The following DLGAP2 variants were observed in gnomAD, a reference collection of about 807,000 sequenced individuals.
The protein encoded by DLGAP2 is disks large-associated protein 2.
DLGAP2 carries 26 observed loss-of-function variants against 100.3 expected under a neutral mutation model. That is an observed-to-expected ratio of 0.26 (90% CI 0.19 to 0.36). The LOEUF is 0.36. DLGAP2 is among the 10% of genes least tolerant of loss of function. DLGAP2 has a pLI of 1.00. For missense variants in DLGAP2, 1,858 were observed against 1,453.2 expected (o/e 1.28, Z -4.53); for synonymous variants, 886 against 630.1 (o/e 1.41, Z -6.08).
At chr8:814,858 A>AG (rs1796434907) in intron 1 of DLGAP2, among the ~76,000 whole-genome samples, 1 of 150,960 alleles carries the variant, frequency 6.6e-6, no homozygotes, top group Non-Finnish European at 1.5e-5. Flanking sequence ...CTCAAAAAAA[A>AG]AAAAAAAAAA....
chr8:1,002,802 G>A (rs1164920954), intron 2 of DLGAP2: 3 of 152,316 alleles, frequency 2.0e-5, no homozygotes. Flanking sequence ...CCAGTGGCTG[G>A]AGTGGAGTTA....
At chr8:1,092,541 G>A (rs867660532) in intron 2 of DLGAP2, among the ~76,000 whole-genome samples, 4 of 152,238 alleles carry the variant, frequency 2.6e-5, no homozygotes. Context: ...GGCAGGAAGA[G>A]GGGGCTGTGG....
At chr8:1,685,075 C>T (rs1018800068) in intron 12 of DLGAP2, among the ~76,000 whole-genome samples, 5 of 152,076 alleles carry the variant, frequency 3.3e-5, no homozygotes, top group African/African-American at 9.7e-5. Context: ...GTCCTATTAA[C>T]ACAAGAGCCG....
intron 2 of DLGAP2, among the ~76,000 whole-genome samples, chr8:1,210,152 C>T (rs540776598): frequency 6.6e-6 from 1 of 152,192 alleles, no homozygotes; most frequent in Admixed American, 6.5e-5. Context: ...ACACGTCACC[C>T]CCCAGGTTCC....
At chr8:1,306,738 A>T (rs1438351750) in intron 3 of DLGAP2, among the ~76,000 whole-genome samples, 1 of 152,134 alleles carries the variant, frequency 6.6e-6, no homozygotes, top group African/African-American at 2.4e-5. Context: ...CCAGAAATAA[A>T]CCCTGGTGTA....
At chr8:1,216,958 T>G (rs1313589826) in intron 2 of DLGAP2, among the ~76,000 whole-genome samples, 1 of 152,164 alleles carries the variant, frequency 6.6e-6, no homozygotes, top group Non-Finnish European at 1.5e-5. Context: ...CTGCTTGGTT[T>G]TTTCTTCAAC....
In DLGAP2 at chr8:1,115,509, T is replaced by G. The variant is rs11786010; in HGVS notation, c.74-143342T>G. ...TAATAACTACTTTATAAAAATATTG[T>G]GAAGATTCTGAGTTTGTGTATGTAA... On this transcript the variant is annotated intron_variant, in intron 2 of 14. Coordinates refer to ENST00000637795, the MANE Select transcript of DLGAP2 (RefSeq NM_001346810.2). 3.9e-5 allele frequency among the ~76,000 whole-genome samples: 6 copies of G among 152,198 alleles called. No homozygotes were observed. In the South Asian group the frequency reaches 8.3e-4, roughly 21 times the overall value.
At chr8:1,350,808 A>G (rs1243742940) in intron 3 of DLGAP2, among the ~76,000 whole-genome samples, 1 of 48,150 alleles carries the variant, frequency 2.1e-5, no homozygotes, top group African/African-American at 6.7e-5. Flanking sequence ...GTGTGCGTGG[A>G]AAGGCCATGC....
chr8:1,618,577 C>T (rs1797230859), intron 6 of DLGAP2, among the ~76,000 whole-genome samples: 1 of 152,166 alleles, frequency 6.6e-6, no homozygotes, highest in Admixed American at 6.5e-5. Context: ...ATGTGAAGAA[C>T]CTAGAAGTGC....
intron 1 of DLGAP2, among the ~76,000 whole-genome samples, chr8:897,112 T>C (rs1798156915): frequency 6.6e-6 from 1 of 151,802 alleles, no homozygotes. Context: ...GGAGTGGGGG[T>C]TCAGCAGCAG....
intron 4 of DLGAP2, among the ~76,000 whole-genome samples, chr8:1,529,136 G>A (rs1036081306): frequency 6.6e-6 from 1 of 152,196 alleles, no homozygotes; most frequent in Non-Finnish European, 1.5e-5. Context: ...GGCTGGTGAG[G>A]CCTCAGGAAA....
intron 1 of DLGAP2, among the ~76,000 whole-genome samples, chr8:882,025 G>C (rs968186613): frequency 6.6e-6 from 1 of 152,146 alleles, no homozygotes; most frequent in East Asian, 1.9e-4. Context: ...GCTCACCTGT[G>C]TCCTGTTCAT....
intron 2 of DLGAP2, among the ~76,000 whole-genome samples, chr8:1,167,878 G>A (rs1315151141): frequency 6.8e-6 from 1 of 146,664 alleles, no homozygotes; most frequent in Non-Finnish European, 1.5e-5. Flanking sequence ...TACTTAACCT[G>A]AGTCCATTTT....
chr8:1,491,224 C>G (rs13250091), intron 3 of DLGAP2, among the ~76,000 whole-genome samples: 82,328 of 151,970 alleles, frequency 0.54, 23,679 homozygotes, highest in Admixed American at 0.66. Context: ...CTCGCTGTTT[C>G]TCTGAAATTC....
chr8:933,108 C>T (rs1162800301), intron 2 of DLGAP2, among the ~76,000 whole-genome samples: 1 of 152,244 alleles, frequency 6.6e-6, no homozygotes, highest in Non-Finnish European at 1.5e-5. Context: ...CCTGCAGAAC[C>T]CTGCACAGTG....
chr8:971,410 G>C (rs1284036437), intron 2 of DLGAP2, among the ~76,000 whole-genome samples: 2 of 152,062 alleles, frequency 1.3e-5, no homozygotes, highest in Non-Finnish European at 2.9e-5. Flanking sequence ...GAGGTCACAG[G>C]GCACGTGTTC....
intron 2 of DLGAP2, among the ~76,000 whole-genome samples, chr8:1,206,776 G>A (rs527445225): frequency 3.3e-5 from 5 of 152,260 alleles, no homozygotes; most frequent in South Asian, 2.1e-4. Flanking sequence ...CTCTGCCATC[G>A]CTGCTACCAT....
intron 6 of DLGAP2, among the ~76,000 whole-genome samples, chr8:1,584,627 T>A (rs962006217): frequency 6.6e-6 from 1 of 152,144 alleles, no homozygotes; most frequent in Non-Finnish European, 1.5e-5. Flanking sequence ...GGTTCCCAGG[T>A]CCCTGACGAT....
intron 2 of DLGAP2, among the ~76,000 whole-genome samples, chr8:1,227,628 G>A (rs555452406): frequency 1.9e-3 from 288 of 152,072 alleles, no homozygotes; most frequent in Non-Finnish European, 3.2e-3. Context: ...GTGACAATGC[G>A]GATGGACCTG....
Sources: gnomAD v4.1 joint callset for allele counts (sites outside exome capture counted in the v4.1 genomes callset) on GRCh38, gnomAD v4.1.1 for gene constraint, MANE v1.5 for transcripts, NCBI Gene and HGNC (gene_info 2026-07-23, HGNC 2026-07-21) for gene names.